ZNF385D: variants seen among roughly 807,000 people sequenced by gnomAD.
ZNF385D encodes the protein zinc finger protein 385D, also known as zinc finger protein 659.
In ZNF385D, 15 loss-of-function variants were observed where a neutral mutation model predicts 35.8. The observed-to-expected ratio is 0.42, with a 90% CI of 0.28 to 0.64. The LOEUF (loss-of-function observed/expected upper bound fraction) is 0.64. ZNF385D is among the 30% of genes least tolerant of loss of function. The pLI, the probability that ZNF385D is intolerant of heterozygous loss-of-function variation, is 0.23. For missense variants in ZNF385D, 474 were observed against 494.6 expected (o/e 0.96, Z 0.39); for synonymous variants, 212 against 186.8 (o/e 1.13, Z -1.10).
chr3:21,877,367 G>C (rs1698034556), intron 3 of ZNF385D, among the ~76,000 whole-genome samples: 1 of 152,076 alleles, frequency 6.6e-6, no homozygotes, highest in Admixed American at 6.6e-5. Context: ...TTCAAGAGCA[G>C]ATGCCCTCAA....
intron 3 of ZNF385D, among the ~76,000 whole-genome samples, chr3:21,923,112 C>T (rs1700555769): frequency 6.6e-6 from 1 of 152,074 alleles, no homozygotes; most frequent in Non-Finnish European, 1.5e-5. Flanking sequence ...TACACATGTG[C>T]CATGTTGGTG....
chr3:21,716,267 T>C lies in ZNF385D; in HGVS notation c.22+34628A>G, dbSNP rs1448924055. 3.3e-5 allele frequency among the ~76,000 whole-genome samples: 5 copies of C among 152,110 alleles called. No homozygotes were observed. In the East Asian group the frequency reaches 9.9e-4, roughly 30 times the overall value. On this transcript the variant is annotated intron_variant, in intron 1 of 7. Transcript: ENST00000281523. ...TCCCAACACAGCAGCCACACATATG[T>C]CAGATCCTTTTCATTTATTCCTCAG...
At chr3:22,021,930 C>T (rs1488991732) in intron 3 of ZNF385D, among the ~76,000 whole-genome samples, 4 of 152,040 alleles carry the variant, frequency 2.6e-5, no homozygotes, top group Non-Finnish European at 4.4e-5. Flanking sequence ...ACAAGTTTGA[C>T]GGCCTCTGTT....
At chr3:22,108,551 G>A (rs1327675448) in intron 3 of ZNF385D, among the ~76,000 whole-genome samples, 3 of 152,042 alleles carry the variant, frequency 2.0e-5, no homozygotes, top group Non-Finnish European at 4.4e-5. Context: ...TGGAACTAAG[G>A]ATTTTACATC....
intron 2 of ZNF385D, among the ~76,000 whole-genome samples, chr3:21,642,193 A>G (rs1349179077): frequency 6.6e-6 from 1 of 152,156 alleles, no homozygotes; most frequent in Non-Finnish European, 1.5e-5. Flanking sequence ...TGCTATATGT[A>G]AATCAGACAC....
chr3:21,463,957 G>A (rs1356908581), intron 4 of ZNF385D, among the ~76,000 whole-genome samples: 3 of 151,710 alleles, frequency 2.0e-5, no homozygotes, highest in South Asian at 4.1e-4. Flanking sequence ...ATTTATAGGA[G>A]GCTGTATCAC....
intron 3 of ZNF385D, among the ~76,000 whole-genome samples, chr3:22,017,055 AATGTT>A (rs890268359): frequency 4.6e-5 from 7 of 152,030 alleles, no homozygotes; most frequent in African/African-American, 1.7e-4. Flanking sequence ...AAATTTTTCA[AATGTT>A]ATGTTATAAA....
chr3:21,454,040 C>T (rs1300724936), intron 4 of ZNF385D, among the ~76,000 whole-genome samples: 1 of 151,932 alleles, frequency 6.6e-6, no homozygotes, highest in East Asian at 1.9e-4. Context: ...ATACTGGTAC[C>T]TGTTACAACA....
chr3:21,601,979 A>G (rs983467663), intron 2 of ZNF385D, among the ~76,000 whole-genome samples: 15 of 152,228 alleles, frequency 9.9e-5, no homozygotes, highest in Non-Finnish European at 8.8e-5. Context: ...ACTGCTATGA[A>G]GAAATACCCG....
At chr3:21,648,886 C>T (rs943112523) in intron 2 of ZNF385D, among the ~76,000 whole-genome samples, 1 of 152,070 alleles carries the variant, frequency 6.6e-6, no homozygotes, top group African/African-American at 2.4e-5. Context: ...TAGTATTTTC[C>T]CCACTTTGAA....
At chr3:21,437,650 T>C (rs1701626941) in intron 4 of ZNF385D, among the ~76,000 whole-genome samples, 1 of 126,484 alleles carries the variant, frequency 7.9e-6, no homozygotes. Flanking sequence ...TCTTTCATTG[T>C]TTCTTTTTTT....
chr3:22,129,765 C>T (rs1703664645), intron 3 of ZNF385D, among the ~76,000 whole-genome samples: 1 of 152,150 alleles, frequency 6.6e-6, no homozygotes, highest in South Asian at 2.1e-4. Flanking sequence ...AAAACACTCT[C>T]CAGGAGCTAA....
chr3:21,639,480 C>G (rs2065538940), intron 2 of ZNF385D, among the ~76,000 whole-genome samples: 1 of 151,926 alleles, frequency 6.6e-6, no homozygotes, highest in Non-Finnish European at 1.5e-5. Flanking sequence ...TTATATAATG[C>G]TTGAATTTAT....
At chr3:21,791,032 G>A (rs572281713) in intron 3 of ZNF385D, among the ~76,000 whole-genome samples, 20 of 152,164 alleles carry the variant, frequency 1.3e-4, no homozygotes, top group Non-Finnish European at 2.8e-4. Context: ...CAGGCATAGC[G>A]CCATTTCAGA....
chr3:21,722,767 C>T (rs1269373586), intron 1 of ZNF385D, among the ~76,000 whole-genome samples: 1 of 152,218 alleles, frequency 6.6e-6, no homozygotes. Flanking sequence ...AGCCTGCTGG[C>T]ACCAAACAAA....
intron 3 of ZNF385D, among the ~76,000 whole-genome samples, chr3:22,016,393 A>G (rs567418522): frequency 6.6e-6 from 1 of 152,262 alleles, no homozygotes; most frequent in Admixed American, 6.5e-5. Flanking sequence ...TTAGCATTCT[A>G]TGTACTTAGT....
At position 22,363,715 on chromosome 3, in the gene ZNF385D, C is replaced by T. The variant is rs541446923; in HGVS notation, c.106+8735G>A. 5.3e-5 allele frequency among the ~76,000 whole-genome samples: 8 copies of T among 152,252 alleles called. No individual in the cohort carries two copies. In the East Asian group the frequency reaches 1.5e-3, roughly 29 times the overall value. On this transcript the variant is annotated intron_variant, in intron 2 of 5. Coordinates refer to the ZNF385D transcript ENST00000494108. ...CTGGTGAGTGTGTATTCTTACAGAA[C>T]ATAGGTTTGAGTACTTCTTTACTTA...
rs188389172 is a variant in ZNF385D, at chr3:22,190,863, C to T, written c.107-21828G>A. ...TTTAATCTAGTTTAACATGATAAATCACATGACCTACCACTTTACAGTAAC... is the reference window on the plus strand; with the variant it reads ...TTTAATCTAGTTTAACATGATAAATTACATGACCTACCACTTTACAGTAAC... On this transcript the variant is annotated intron_variant, in intron 2 of 5. Transcript: ENST00000494108. Among the ~76,000 whole-genome samples the T allele has an allele frequency of 3.3e-5, 5 of 151,894 alleles. No individual in the cohort carries two copies. In the East Asian group the frequency reaches 9.7e-4, roughly 30 times the overall value.
chr3:21,872,170 AAC>A (rs1457511961), intron 3 of ZNF385D, among the ~76,000 whole-genome samples: 1 of 152,208 alleles, frequency 6.6e-6, no homozygotes, highest in Non-Finnish European at 1.5e-5. Context: ...ATAAGTTAAA[AAC>A]ACACAAATTA....
Sources: allele counts gnomAD v4.1 joint callset (sites outside exome capture counted in the v4.1 genomes callset), GRCh38; gene constraint gnomAD v4.1.1; transcripts MANE v1.5; gene names NCBI Gene and HGNC (gene_info 2026-07-23, HGNC 2026-07-21).